The following HCN1 variants were observed in gnomAD, a reference collection of about 807,000 sequenced individuals.
The protein encoded by HCN1 is potassium/sodium hyperpolarization-activated cyclic nucleotide-gated channel 1.
In HCN1, 13 loss-of-function variants were observed where a neutral mutation model predicts 78.9. That is an observed-to-expected ratio of 0.16 (90% confidence interval 0.11 to 0.26). The LOEUF (loss-of-function observed/expected upper bound fraction) is 0.26. HCN1 is among the 10% of genes least tolerant of loss of function. The pLI is 1.00. For synonymous variants in HCN1, 552 were observed against 455.5 expected, an observed-to-expected ratio of 1.21 and a Z score of -2.70; for missense variants, 810 against 1,154.3, an observed-to-expected ratio of 0.70 and a Z score of 4.32.
chr5:45,371,175 T>A (rs1747348443), intron 4 of HCN1, among the ~76,000 whole-genome samples: 2 of 151,956 alleles, frequency 1.3e-5, no homozygotes, highest in African/African-American at 4.8e-5. Flanking sequence ...ATTGAAAAGT[T>A]AGAAATATCT....
intron 2 of HCN1, among the ~76,000 whole-genome samples, chr5:45,485,225 A>G (rs999234179): frequency 2.0e-5 from 3 of 152,350 alleles, no homozygotes; most frequent in South Asian, 4.1e-4. Context: ...TTTATTTCAA[A>G]TAAGTGACGA....
At chr5:45,423,156 C>A (rs1654929237) in intron 3 of HCN1, among the ~76,000 whole-genome samples, 1 of 151,896 alleles carries the variant, frequency 6.6e-6, no homozygotes, top group South Asian at 2.1e-4. Flanking sequence ...ACATGTACCC[C>A]ATAAATACAT....
intron 1 of HCN1, among the ~76,000 whole-genome samples, chr5:45,684,669 T>G (rs372235370): frequency 6.6e-6 from 1 of 152,298 alleles, no homozygotes; most frequent in Non-Finnish European, 1.5e-5. Flanking sequence ...AAGACCAGCC[T>G]GACCAACATG....
chr5:45,471,586 T>A (rs991507540), intron 2 of HCN1, among the ~76,000 whole-genome samples: 8 of 152,100 alleles, frequency 5.3e-5, no homozygotes, highest in African/African-American at 1.9e-4. Context: ...GATTCTTTAA[T>A]TGTTTTGGAC....
chr5:45,645,152 T>C, intron 2 of HCN1, 33 bp downstream of exon 2: 1 of 1,487,806 alleles, frequency 6.7e-7, no homozygotes, highest in Non-Finnish European at 9.3e-7. Flanking sequence ...AATTTCATGA[T>C]ATAGATTTAA....
At chr5:45,268,975 G>T (rs1358739767) in intron 6 of HCN1, among the ~76,000 whole-genome samples, 1 of 152,178 alleles carries the variant, frequency 6.6e-6, no homozygotes, top group East Asian at 1.9e-4. Context: ...ATTTATGATT[G>T]CCACATTATG....
chr5:45,372,194 A>AT (rs373497546), intron 4 of HCN1, among the ~76,000 whole-genome samples: 16,471 of 69,284 alleles, frequency 0.24, 2,982 homozygotes, highest in African/African-American at 0.52. Context: ...TAATACAATT[A>AT]ATATAATACA....
chr5:45,330,364 T>C (rs776475911), intron 5 of HCN1, among the ~76,000 whole-genome samples: 2 of 151,162 alleles, frequency 1.3e-5, no homozygotes, highest in Non-Finnish European at 3.0e-5. Context: ...GTTGGAACAT[T>C]AAACCTTATT....
intron 5 of HCN1, among the ~76,000 whole-genome samples, chr5:45,344,155 G>T (rs968281348): frequency 5.9e-5 from 9 of 152,030 alleles, no homozygotes; most frequent in East Asian, 1.9e-4. Context: ...GAGCAAAAGG[G>T]GAAGAAGCTC....
At position 45,646,525 on chromosome 5, in the gene HCN1, C is replaced by T. The variant is rs1333205818; in HGVS notation, c.426-917G>A. Among the ~76,000 whole-genome samples the T allele has an allele frequency of 2.0e-5, 3 of 151,792 alleles. No homozygotes were observed. In the East Asian group the frequency reaches 5.8e-4, roughly 29 times the overall value. On this transcript the variant is annotated intron_variant, in intron 1 of 7. Coordinates refer to ENST00000303230, the MANE Select transcript of HCN1 (RefSeq NM_021072.4). ...AGTAGCTGGCATTACAGGCGTGCCA[C>T]CATGCCCAGCTAAAAAAAAATCTTT...
At position 45,469,525 on chromosome 5, in the gene HCN1, T is replaced by C. The variant is rs140156193; in HGVS notation, c.850-7518A>G. The stretch of plus-strand genomic sequence containing the variant: ...GAGGCGAAAACCACATATCTTATGA[T>C]GGATCTTTGAACCTCATTTTAATGA... On this transcript the variant is annotated intron_variant, in intron 2 of 7. Transcript: ENST00000303230. Among the ~76,000 whole-genome samples, 272 of 152,130 alleles carry C rather than the reference T, an allele frequency of 1.8e-3. 1 individual carries two copies. The highest frequency in any genetic ancestry group is 6.1e-3 in the African/African-American group (252 of 41,558).
intron 1 of HCN1, chr5:45,695,223 G>C (rs543022939): frequency 9.2e-5 from 17 of 185,282 alleles, no homozygotes; most frequent in Non-Finnish European, 1.8e-4. Context: ...GCTGTCTCCG[G>C]TTACCCAGTC....
At chr5:45,653,377 G>A (rs1389992751) in intron 1 of HCN1, among the ~76,000 whole-genome samples, 3 of 152,010 alleles carry the variant, frequency 2.0e-5, no homozygotes, top group Non-Finnish European at 2.9e-5. Flanking sequence ...ACTGAACAGT[G>A]AATACTCTGC....
chr5:45,313,351 C>A (rs911382155), intron 5 of HCN1, among the ~76,000 whole-genome samples: 1 of 152,008 alleles, frequency 6.6e-6, no homozygotes, highest in Non-Finnish European at 1.5e-5. Flanking sequence ...ACATTCACAC[C>A]AAAACCCCAT....
intron 2 of HCN1, among the ~76,000 whole-genome samples, chr5:45,490,354 G>T (rs1012321759): frequency 1.3e-5 from 2 of 152,028 alleles, no homozygotes; most frequent in African/African-American, 4.8e-5. Context: ...CAAAACTGTT[G>T]GTCCTTCATT....
At chr5:45,636,792 T>C (rs974985768) in intron 2 of HCN1, among the ~76,000 whole-genome samples, 4 of 152,088 alleles carry the variant, frequency 2.6e-5, no homozygotes, top group African/African-American at 9.7e-5. Flanking sequence ...GTGAGCTATA[T>C]AATCCCACCA....
At chr5:45,357,050 C>T (rs2111987261) in intron 4 of HCN1, among the ~76,000 whole-genome samples, 1 of 152,012 alleles carries the variant, frequency 6.6e-6, no homozygotes, top group East Asian at 1.9e-4. Flanking sequence ...TTTCTAGCCT[C>T]CTTATCCCAC....
At chr5:45,567,008 G>A (rs1034139445) in intron 2 of HCN1, among the ~76,000 whole-genome samples, 1 of 152,164 alleles carries the variant, frequency 6.6e-6, no homozygotes, top group Non-Finnish European at 1.5e-5. Context: ...GAATTGAGTT[G>A]CTGCAAGTTT....
intron 2 of HCN1, among the ~76,000 whole-genome samples, chr5:45,635,106 T>A (rs1745334100): frequency 6.6e-6 from 1 of 152,100 alleles, no homozygotes; most frequent in African/African-American, 2.4e-5. Context: ...AAAATTTCAT[T>A]CTTTCATAGA....
Sources: allele counts gnomAD v4.1 joint callset (sites outside exome capture counted in the v4.1 genomes callset), GRCh38; gene constraint gnomAD v4.1.1; transcripts MANE v1.5; gene names NCBI Gene and HGNC (gene_info 2026-07-23, HGNC 2026-07-21).